Variants in SPAM1 observed in about 807,000 individuals in gnomAD.
SPAM1 encodes hyaluronidase PH-20.
A neutral mutation model predicts 29.6 loss-of-function variants in SPAM1; 22 were observed. The ratio of observed to expected loss-of-function variants is 0.74; its 90% CI spans 0.53 to 1.06. The LOEUF is 1.06. Ranked by LOEUF, SPAM1 falls within the 50% of genes least tolerant of loss-of-function variation. The pLI is 0.00. For missense variants in SPAM1, 534 were observed against 604.0 expected, an observed-to-expected ratio of 0.88 and a Z score of 1.21; for synonymous variants, 194 against 204.6, an observed-to-expected ratio of 0.95 and a Z score of 0.44.
chr7:123,952,927 A>T (rs1184591532), intron 2 of SPAM1, among the ~76,000 whole-genome samples: 1 of 151,856 alleles, frequency 6.6e-6, no homozygotes, highest in Non-Finnish European at 1.5e-5. Context: ...AGAGAAAAAA[A>T]GAAAGAAAGA....
intron 1 of SPAM1, among the ~76,000 whole-genome samples, chr7:123,947,066 T>C (rs939020028): frequency 1.3e-5 from 2 of 152,204 alleles, no homozygotes; most frequent in East Asian, 3.9e-4. Flanking sequence ...AAGTAGTATT[T>C]TTCTATCATA....
chr7:123,945,348 A>T (rs1199587536), intron 1 of SPAM1, among the ~76,000 whole-genome samples: 7 of 152,262 alleles, frequency 4.6e-5, no homozygotes, highest in Admixed American at 2.0e-4. Flanking sequence ...GCACCTCTGA[A>T]TTAGAATTAG....
intron 1 of SPAM1, chr7:123,925,659 C>T (rs976530848): frequency 1.3e-5 from 2 of 151,402 alleles, no homozygotes; most frequent in Non-Finnish European, 2.9e-5. Flanking sequence ...TTGCATGAAC[C>T]TGGCAGATGG....
At chr7:123,935,303 T>C (rs1384935243) in intron 1 of SPAM1, among the ~76,000 whole-genome samples, 1 of 152,180 alleles carries the variant, frequency 6.6e-6, no homozygotes, top group African/African-American at 2.4e-5. Flanking sequence ...TGGGGTAGCA[T>C]GTCCTGAATC....
chr7:123,935,349 T>G (rs1261040746), intron 1 of SPAM1, among the ~76,000 whole-genome samples: 1 of 152,166 alleles, frequency 6.6e-6, no homozygotes, highest in Admixed American at 6.5e-5. Context: ...TTTATATACA[T>G]TATTTCATCA....
At chr7:123,970,535 G>T (rs773017936) in intron 6 of SPAM1, among the ~76,000 whole-genome samples, 12 of 151,446 alleles carry the variant, frequency 7.9e-5, no homozygotes, top group Non-Finnish European at 1.3e-4. Flanking sequence ...CAGGAGGATT[G>T]CTCAAGACCA....
chr7:123,968,776 A>T (rs1792461494), intron 5 of SPAM1, among the ~76,000 whole-genome samples: 1 of 152,022 alleles, frequency 6.6e-6, no homozygotes, highest in African/African-American at 2.4e-5. Flanking sequence ...TGTAAGCTTG[A>T]GCAGGTTACA....
chr7:123,944,702 T>C (rs1353379397), intron 1 of SPAM1, among the ~76,000 whole-genome samples: 2 of 152,166 alleles, frequency 1.3e-5, no homozygotes, highest in African/African-American at 4.8e-5. Context: ...ACCTTCAAGA[T>C]AAAACATTAT....
chr7:123,940,093 A>G (rs1184245802), intron 1 of SPAM1, among the ~76,000 whole-genome samples: 1 of 149,742 alleles, frequency 6.7e-6, no homozygotes, highest in Non-Finnish European at 1.5e-5. Context: ...ATTACTGCTT[A>G]CTTCTTTTTT....
intron 1 of SPAM1, among the ~76,000 whole-genome samples, chr7:123,945,660 G>T (rs566914087): frequency 6.6e-6 from 1 of 152,264 alleles, no homozygotes; most frequent in Non-Finnish European, 1.5e-5. Context: ...TTCTTTAGGG[G>T]GTTTGAGTCA....
intron 1 of SPAM1, among the ~76,000 whole-genome samples, chr7:123,948,211 T>C (rs1808647609): frequency 6.6e-6 from 1 of 152,180 alleles, no homozygotes; most frequent in Non-Finnish European, 1.5e-5. Flanking sequence ...ATATGTGCTT[T>C]CAGGGATATT....
Position 123,959,544 on chromosome 7 carries a change from G to A in SPAM1, c.1105G>A (p.Val369Ile), listed in dbSNP as rs200074039. ...ETILNPYIIN[V>I]TLAAKMCSQV... ...TATACTGAATCCTTACATAATCAAC[G>A]TCACACTAGCAGCCAAAATGTGTAG... The change falls in exon 5 of 5, where the codon GTC becomes ATC. Residue 369 changes from valine to isoleucine, a missense_variant. By Grantham distance (29) the Val-to-Ile change is conservative. Transcript: ENST00000682466. 1.2e-5 allele frequency: 19 copies of A among 1,612,914 alleles called. No homozygotes were observed. Among genetic ancestry groups the A allele is most frequent in the East Asian group, 4.5e-5 (2 of 44,814 alleles).
chr7:123,960,588 C>T (rs980672722), downstream of SPAM1, among the ~76,000 whole-genome samples: 2 of 151,912 alleles, frequency 1.3e-5, no homozygotes, highest in Admixed American at 6.6e-5. Context: ...AATTAACCTT[C>T]GACTCTCTTT....
intron 1 of SPAM1, among the ~76,000 whole-genome samples, chr7:123,928,228 C>T (rs941308112): frequency 2.6e-5 from 4 of 152,062 alleles, no homozygotes; most frequent in Admixed American, 1.3e-4. Flanking sequence ...TTCCAGGTAA[C>T]GCCCATTGAC....
chr7:123,938,469 C>T (rs951251571), intron 1 of SPAM1, among the ~76,000 whole-genome samples: 2 of 152,140 alleles, frequency 1.3e-5, no homozygotes, highest in African/African-American at 4.8e-5. Flanking sequence ...AGGAAACATA[C>T]TTGTTGCATT....
At chr7:123,925,391 C>A (rs1434006545) in intron 1 of SPAM1, 39 bp downstream of exon 1, 1 of 152,154 alleles carries the variant, frequency 6.6e-6, no homozygotes, top group African/African-American at 2.4e-5. Flanking sequence ...TTGATGTATA[C>A]CTGATCTCCT....
chr7:123,963,708 A>G (rs1792388461), downstream of SPAM1, among the ~76,000 whole-genome samples: 3 of 146,574 alleles, frequency 2.0e-5, no homozygotes, highest in South Asian at 2.2e-4. Flanking sequence ...CATGAGCCCA[A>G]TTCAAAAGTT....
downstream of SPAM1, among the ~76,000 whole-genome samples, chr7:123,963,640 A>G (rs1218721670): frequency 1.3e-5 from 2 of 151,902 alleles, no homozygotes; most frequent in Non-Finnish European, 2.9e-5. Context: ...AAGGCTATAC[A>G]AAGTTTTGGC....
intron 1 of SPAM1, among the ~76,000 whole-genome samples, chr7:123,936,066 G>T (rs1256438676): frequency 2.6e-5 from 4 of 152,174 alleles, no homozygotes; most frequent in African/African-American, 9.7e-5. Flanking sequence ...TCTCTGTTGT[G>T]CTTAAAATGA....
Sources: gnomAD v4.1 joint callset for allele counts (sites outside exome capture counted in the v4.1 genomes callset) on GRCh38, gnomAD v4.1.1 for gene constraint, MANE v1.5 for transcripts, NCBI Gene and HGNC (gene_info 2026-07-23, HGNC 2026-07-21) for gene names.